PPL: variants seen among roughly 807,000 people sequenced by gnomAD.
The protein encoded by PPL is 190 kDa paraneoplastic pemphigus antigen.
In PPL, 198 loss-of-function variants were observed where a neutral mutation model predicts 194.4. The ratio of observed to expected loss-of-function variants is 1.02; its 90% CI spans 0.91 to 1.15. The LOEUF (loss-of-function observed/expected upper bound fraction) is 1.15, where lower values mean the gene tolerates loss of function less well. Ranked by LOEUF, PPL falls within the 50% of genes most tolerant of loss-of-function variation. The probability of loss-of-function intolerance (pLI) is 0.00; values close to 1 mark genes in which losing one functional copy is unlikely to be tolerated. For synonymous variants in PPL, 1,220 were observed against 972.4 expected (o/e 1.25, Z -4.74); for missense variants, 2,885 against 2,294.8 (o/e 1.26, Z -5.25).
At chr16:4,911,693 C>A (rs766475672) in intron 1 of PPL, among the ~76,000 whole-genome samples, 1 of 151,964 alleles carries the variant, frequency 6.6e-6, no homozygotes, top group Non-Finnish European at 1.5e-5. Flanking sequence ...TGCCACCACT[C>A]CTGCATAACT....
chr16:4,933,569 T>C (rs1281326203), intron 1 of PPL, among the ~76,000 whole-genome samples: 3 of 152,214 alleles, frequency 2.0e-5, no homozygotes, highest in Admixed American at 6.5e-5. Context: ...GCTCTGACTG[T>C]GACAACTCTC....
At chr16:4,929,641 C>T (rs1182787715) in intron 1 of PPL, among the ~76,000 whole-genome samples, 1 of 152,212 alleles carries the variant, frequency 6.6e-6, no homozygotes, top group African/African-American at 2.4e-5. Flanking sequence ...CAGGCCCCTT[C>T]TTAGGAGTAG....
chr16:4,891,787 C>T (rs2088323253), intron 16 of PPL, 24 bp downstream of exon 16: 1 of 1,590,350 alleles, frequency 6.3e-7, no homozygotes, highest in Non-Finnish European at 8.6e-7. Context: ...AGAAGGACTC[C>T]CAGGACTTGG....
intron 2 of PPL, 135 bp downstream of exon 2, chr16:4,910,715 C>A: frequency 3.8e-6 from 3 of 793,024 alleles, no homozygotes; most frequent in Non-Finnish European, 6.3e-6. Context: ...GCAGTGACAA[C>A]CAAAATGTCT....
In PPL at chr16:4,885,706, C is replaced by T; in HGVS notation, c.2949G>A (p.Gln983=). 1 of 1,613,428 alleles carries T rather than the reference C, an allele frequency of 6.2e-7. No individual in the cohort carries two copies. Among genetic ancestry groups the T allele is most frequent in the African/African-American group, 1.3e-5 (1 of 74,964 alleles). The part of the protein sequence containing the change: ...ALQLQLRALE[Q]ETRDGGQEYV... ...ACTCCTGCCCCCCGTCTCTGGTCTC[C>T]TGCTCCAGGGCACGCAGCTGCAGCT... Residue 983 remains glutamine, a synonymous_variant, in exon 22 of 22, where the codon CAG becomes CAA. Coordinates refer to ENST00000345988, the MANE Select transcript of PPL (RefSeq NM_002705.5). The surrounding 1 kb of genome is among the most constrained non-coding windows in gnomAD (Gnocchi z 6.3).
chr16:4,894,693 C>A, intron 11 of PPL, 75 bp from the exon 12 acceptor site: 1 of 1,547,468 alleles, frequency 6.5e-7, no homozygotes, highest in Non-Finnish European at 8.7e-7. Context: ...CATCTCAGCC[C>A]CCGACTCTTG....
intron 1 of PPL, among the ~76,000 whole-genome samples, chr16:4,912,044 T>C (rs2088829801): frequency 1.3e-5 from 2 of 152,192 alleles, no homozygotes; most frequent in Admixed American, 1.3e-4. Context: ...GCACCATATT[T>C]GAAAAATTGG....
chr16:4,914,770 G>C (rs1428803584), intron 1 of PPL, among the ~76,000 whole-genome samples: 1 of 152,218 alleles, frequency 6.6e-6, no homozygotes, highest in Non-Finnish European at 1.5e-5. Context: ...CTTAGCAGTG[G>C]GGGGCTTTGG....
chr16:4,890,328 C>A lies in PPL; in HGVS notation c.2169G>T (p.Gln723His). 9 of 1,612,200 alleles carry A rather than the reference C, an allele frequency of 5.6e-6. No individual in the cohort carries two copies. Among genetic ancestry groups the A allele is most frequent in the Non-Finnish European group, 7.6e-6 (9 of 1,179,030 alleles). ...AGGCTGCCTTGGCGCTCTGTAGGCT[C>A]TGCGCCCTGTCAAGGCAAAGCGTTC... is the stretch of plus-strand genomic sequence containing the variant. Reference protein sequence around the residue: ...NLRQQVERRAQSLQSAKAAYE... With the variant: ...NLRQQVERRAHSLQSAKAAYE... Residue 723 changes from glutamine to histidine, a missense_variant, in exon 18 of 22, where the codon CAG becomes CAT. Coordinates refer to ENST00000345988, the MANE Select transcript of PPL (RefSeq NM_002705.5).
chr16:4,905,797 G>T (rs1182452071), intron 2 of PPL, among the ~76,000 whole-genome samples: 1 of 152,186 alleles, frequency 6.6e-6, no homozygotes, highest in Non-Finnish European at 1.5e-5. Flanking sequence ...TTGGAGATGA[G>T]GCTGATGTCC....
In PPL at chr16:4,893,238, C is replaced by T. The variant is rs761257554; in HGVS notation, c.1625G>A (p.Ser542Asn). 1.3e-6 allele frequency: 2 copies of T among 1,586,112 alleles called. No individual in the cohort carries two copies. Among genetic ancestry groups the T allele is most frequent in the South Asian group, 1.1e-5 (1 of 88,522 alleles). ...PLEQGRAVQD[S>N]AERAKDLKNI... ...CTTGAGGTCCTTGGCCCGCTCGGCA[C>T]TGTCCTGCACAGCCCGGCCTTGCTC... The change falls in exon 14 of 22, where the codon AGT becomes AAT. Residue 542 changes from serine (S) to asparagine (N), a missense_variant. Coordinates refer to ENST00000345988, the MANE Select transcript of PPL (RefSeq NM_002705.5).
intron 9 of PPL, 62 bp from the exon 10 acceptor site, chr16:4,895,778 G>T (rs2088416017): frequency 6.2e-7 from 1 of 1,609,334 alleles, no homozygotes; most frequent in East Asian, 2.2e-5. Flanking sequence ...GGCTTCTGTC[G>T]GAGGCTTCAA....
At chr16:4,888,341 C>T (rs552359931) in intron 19 of PPL, 123 bp from the exon 20 acceptor site, 204 of 679,670 alleles carry the variant, frequency 3.0e-4, no homozygotes, top group South Asian at 2.4e-3. Flanking sequence ...TTATAATCTG[C>T]GTGGGTCTTC....
rs13380470 is a variant in PPL, at chr16:4,925,441, A to C, written c.62+11543T>G. On this transcript the variant is annotated intron_variant, in intron 1 of 21. Coordinates refer to ENST00000345988, the MANE Select transcript of PPL (RefSeq NM_002705.5). ...CAGCGACCGCTCAGTCCTTTTGTGC[A>C]TCACCCATTGACGTCTCATAGCCCT... Among the ~76,000 whole-genome samples, 9 of 152,324 alleles carry C rather than the reference A, an allele frequency of 5.9e-5. No individual in the cohort carries two copies. The South Asian group carries it at 1.0e-3, about 18-fold the overall frequency.
At chr16:4,914,747 G>T (rs2088886246) in intron 1 of PPL, among the ~76,000 whole-genome samples, 1 of 152,204 alleles carries the variant, frequency 6.6e-6, no homozygotes, top group Non-Finnish European at 1.5e-5. Flanking sequence ...GTTTGGCGGG[G>T]TGGCCAGGAA....
chr16:4,903,684 C>T (rs1219873732), intron 3 of PPL, among the ~76,000 whole-genome samples: 2 of 151,414 alleles, frequency 1.3e-5, no homozygotes, highest in Non-Finnish European at 2.9e-5. Flanking sequence ...CATGCCATTG[C>T]ACTCCAGCCT....
chr16:4,890,112 A>T, intron 18 of PPL, 72 bp downstream of exon 18: 1 of 1,608,674 alleles, frequency 6.2e-7, no homozygotes, highest in Non-Finnish European at 8.5e-7. Context: ...TTGGCTCCCC[A>T]GAAAGGGGCT....
At chr16:4,891,995 G>A (rs371753977) in intron 15 of PPL, 40 bp downstream of exon 15, 5 of 1,610,966 alleles carry the variant, frequency 3.1e-6, no homozygotes, top group Non-Finnish European at 4.2e-6. Flanking sequence ...CTGGCCCCCT[G>A]ACCCCACCCC....
Position 4,888,979 on chromosome 16 carries a change from T to G in PPL, c.2396A>C (p.Lys799Thr). The G allele has an allele frequency of 6.2e-7, 1 of 1,613,220 alleles. No individual in the cohort carries two copies. The highest frequency in any genetic ancestry group is 8.5e-7 in the Non-Finnish European group (1 of 1,179,818). ...TTGGGCGGAAGTTTCCCGGCTCACC[T>G]TTACAGCTTGCTGGTACTGCTGGGA... ...ANSQQYQQAV[K>T]DYELEAEKLR... Residue 799 changes from lysine to threonine, a missense_variant and splice_region_variant, in exon 19 of 22, where the codon AAG becomes ACG. Physicochemically the swap from Lys to Thr is moderately conservative, Grantham distance 78. Transcript: ENST00000345988.
Sources: allele counts gnomAD v4.1 joint callset (sites outside exome capture counted in the v4.1 genomes callset), GRCh38; gene constraint gnomAD v4.1.1; non-coding constraint Gnocchi (gnomAD v3.1); transcripts MANE v1.5; gene names NCBI Gene and HGNC (gene_info 2026-07-23, HGNC 2026-07-21).